RFX7: variants seen among roughly 807,000 people sequenced by gnomAD.
The protein encoded by RFX7 is DNA-binding protein RFX7.
A neutral mutation model predicts 111.8 loss-of-function variants in RFX7; 26 were observed. The ratio of observed to expected loss-of-function variants is 0.23; its 90% CI spans 0.17 to 0.32. The LOEUF is 0.32. RFX7 is among the 10% of genes least tolerant of loss of function. The probability of loss-of-function intolerance (pLI) is 1.00; values close to 1 mark genes in which losing one functional copy is unlikely to be tolerated. For missense variants in RFX7, 1,573 were observed against 1,772.9 expected, an observed-to-expected ratio of 0.89 and a Z score of 2.02; for synonymous variants, 624 against 624.4, an observed-to-expected ratio of 1.00 and a Z score of 0.01.
At chr15:56,137,826 C>T (rs1444109522) in intron 5 of RFX7, among the ~76,000 whole-genome samples, 1 of 151,910 alleles carries the variant, frequency 6.6e-6, no homozygotes, top group East Asian at 1.9e-4. Context: ...CTTTGTTCTC[C>T]TTGGTTTCAA....
intron 5 of RFX7, among the ~76,000 whole-genome samples, chr15:56,121,726 T>G (rs2042081462): frequency 6.6e-6 from 1 of 152,184 alleles, no homozygotes; most frequent in African/African-American, 2.4e-5. Flanking sequence ...TTTTATTGTT[T>G]TTTTGTCTCC....
rs538400815 is a variant in RFX7, at chr15:56,228,943, T to C, written c.161+14182A>G. 9.2e-5 allele frequency among the ~76,000 whole-genome samples: 14 copies of C among 152,138 alleles called. No individual in the cohort carries two copies. The South Asian group carries it at 2.7e-3, about 29-fold the overall frequency. On this transcript the variant is annotated intron_variant, in intron 2 of 9. Transcript: ENST00000559447. ...CTAATGATTAATTGTAAGAACAAAA[T>C]AGAATAAATAGTAAAATAAGTAATT...
intron 2 of RFX7, among the ~76,000 whole-genome samples, chr15:56,240,886 A>C (rs1481806736): frequency 6.6e-6 from 1 of 152,146 alleles, no homozygotes; most frequent in African/African-American, 2.4e-5. Context: ...TTTCTTAGGA[A>C]TATATGGTAG....
chr15:56,205,007 A>G (rs1273845381), intron 2 of RFX7, among the ~76,000 whole-genome samples: 1 of 152,236 alleles, frequency 6.6e-6, no homozygotes, highest in South Asian at 2.1e-4. Context: ...ATCTATTAAG[A>G]CAATAAAGGC....
rs35880948 is a variant in RFX7 at position 56,184,193 on chromosome 15, ATTTTTT to A, written c.162-4896_162-4891del. 7.7e-3 allele frequency among the ~76,000 whole-genome samples: 620 copies of A among 80,728 alleles called. 6 individuals carry two copies. The highest frequency in any genetic ancestry group is 0.029 in the African/African-American group (580 of 19,846). The allele number at this position is 80,728 out of a possible 152,430, so 53.0% of individuals were successfully genotyped here. A position where few individuals can be genotyped will look rare whatever the true frequency, so the allele number is the denominator to read the frequency against. ...TGCCACCACACCTGGCTAATTTTGT[ATTTTTT>A]TTTTTTTTTTTTTTTTTTTAGTAGA... On this transcript the variant is annotated intron_variant, in intron 2 of 9. Coordinates refer to ENST00000559447, the MANE Select transcript of RFX7 (RefSeq NM_022841.7).
intron 5 of RFX7, among the ~76,000 whole-genome samples, chr15:56,111,438 G>A (rs1355465789): frequency 6.6e-6 from 1 of 151,188 alleles, no homozygotes; most frequent in Non-Finnish European, 1.5e-5. Context: ...TTAAACAGAC[G>A]CTTGAAGGCA....
At chr15:56,158,218 C>T (rs183250024) in intron 3 of RFX7, among the ~76,000 whole-genome samples, 170 of 152,180 alleles carry the variant, frequency 1.1e-3, no homozygotes, top group African/African-American at 4.0e-3. Context: ...ATTAGAAGAC[C>T]CAGATCTGAG....
intron 2 of RFX7, among the ~76,000 whole-genome samples, chr15:56,213,651 T>C (rs1388623818): frequency 6.6e-6 from 1 of 152,154 alleles, no homozygotes; most frequent in Admixed American, 6.5e-5. Flanking sequence ...CGCTACAGAT[T>C]TGCAAGATGA....
At chr15:56,168,242 C>G (rs767529605) in intron 3 of RFX7, among the ~76,000 whole-genome samples, 1 of 152,100 alleles carries the variant, frequency 6.6e-6, no homozygotes, top group Admixed American at 6.6e-5. Flanking sequence ...ACATGTGAAG[C>G]CTTTGTCTGC....
chr15:56,142,183 A>T (rs1169657135), intron 5 of RFX7, among the ~76,000 whole-genome samples: 2 of 152,140 alleles, frequency 1.3e-5, no homozygotes, highest in African/African-American at 4.8e-5. Flanking sequence ...TTTAGCACCT[A>T]TTAACCTTTT....
intron 3 of RFX7, among the ~76,000 whole-genome samples, chr15:56,146,068 A>G (rs566057025): frequency 6.6e-6 from 1 of 152,070 alleles, no homozygotes; most frequent in African/African-American, 2.4e-5. Flanking sequence ...CCCCACTTTA[A>G]TGTCTTAAAT....
At chr15:56,203,201 C>A (rs2043212162) in intron 2 of RFX7, among the ~76,000 whole-genome samples, 1 of 152,096 alleles carries the variant, frequency 6.6e-6, no homozygotes, top group African/African-American at 2.4e-5. Flanking sequence ...AGAAGCCAAC[C>A]ATATGACAAC....
Position 56,094,897 on chromosome 15 carries a change from G to A in RFX7, c.2831C>T (p.Pro944Leu). Residue 944 changes from proline (P) to leucine (L), a missense_variant, in exon 10 of 10, where the codon CCA (proline) becomes CTA (leucine). Physicochemically the swap from Pro to Leu is moderately conservative, Grantham distance 98 (BLOSUM62 -3). Transcript: ENST00000559447. The part of the protein sequence containing the change: ...FYHPIHSNGT[P>L]IHTPTPTPTP... ...GGGTGTGGGTGTGGGTGTGTGGATT[G>A]GAGTGCCATTGCTGTGGATTGGATG... is the stretch of plus-strand genomic sequence containing the variant. 3 of 1,569,590 alleles carry A rather than the reference G, an allele frequency of 1.9e-6. No individual in the cohort carries two copies. Among genetic ancestry groups the A allele is most frequent in the Non-Finnish European group, 2.6e-6 (3 of 1,157,456 alleles).
At chr15:56,173,182 A>T (rs1182183480) in intron 3 of RFX7, among the ~76,000 whole-genome samples, 1 of 152,228 alleles carries the variant, frequency 6.6e-6, no homozygotes, top group Non-Finnish European at 1.5e-5. Flanking sequence ...CCCTATGTAG[A>T]TTTGGAATTT....
intron 2 of RFX7, among the ~76,000 whole-genome samples, chr15:56,225,063 G>A (rs1362471800): frequency 1.3e-5 from 2 of 152,108 alleles, no homozygotes; most frequent in African/African-American, 4.8e-5. Context: ...AAGAACAGCA[G>A]TAACAAACAA....
intron 5 of RFX7, among the ~76,000 whole-genome samples, chr15:56,127,374 A>G (rs2042157472): frequency 6.6e-6 from 1 of 151,296 alleles, no homozygotes; most frequent in African/African-American, 2.4e-5. Flanking sequence ...AAAAAGAAGA[A>G]AGGTGTCAAA....
rs2042520041 is a variant in RFX7, at chr15:56,148,632, G to C, written c.196-4149C>G. 1.3e-5 allele frequency among the ~76,000 whole-genome samples: 2 copies of C among 152,286 alleles called. 1 individual carries two copies. The highest frequency in any genetic ancestry group is 4.1e-4 in the South Asian group (2 of 4,832). ...GTAACATGAAGCTAATTCTTTCTAT[G>C]AGGTGCAAGTGTAGAGGTGAAGAAA... On this transcript the variant is annotated intron_variant, in intron 3 of 9. Coordinates refer to ENST00000559447, the MANE Select transcript of RFX7 (RefSeq NM_022841.7).
chr15:56,129,879 A>G (rs1426795403), intron 5 of RFX7, among the ~76,000 whole-genome samples: 1 of 152,190 alleles, frequency 6.6e-6, no homozygotes, highest in Non-Finnish European at 1.5e-5. Flanking sequence ...TGGCCATGGT[A>G]CATGTGGCTG....
chr15:56,088,796 G>C lies in RFX7; in HGVS notation c.*4549C>G, dbSNP rs923605045. 2 of 152,142 alleles carry C rather than the reference G, an allele frequency of 1.3e-5. No individual in the cohort carries two copies. The allele number at this position is 152,142 out of a possible 1,614,324, so 9.4% of individuals were successfully genotyped here. ...TAATACCTGATTTTTCAGCTCATAG[G>C]GGGAAGGCAAGATACCAGTTAACAG... On this transcript the variant is annotated 3_prime_UTR_variant, in exon 10 of 10. Coordinates refer to ENST00000559447, the MANE Select transcript of RFX7 (RefSeq NM_022841.7).
Sources: gnomAD v4.1 joint callset for allele counts (sites outside exome capture counted in the v4.1 genomes callset) on GRCh38, gnomAD v4.1.1 for gene constraint, MANE v1.5 for transcripts, NCBI Gene and HGNC (gene_info 2026-07-23, HGNC 2026-07-21) for gene names.